Variants in MALRD1 observed in about 807,000 individuals in gnomAD.
MALRD1 encodes MAM and LDL receptor class A domain containing 1.
MALRD1 carries 247 observed loss-of-function variants against 242.1 expected under a neutral mutation model. The observed-to-expected ratio is 1.02, with a 90% CI of 0.92 to 1.13. The LOEUF is 1.13. Ranked by LOEUF, MALRD1 falls within the 50% of genes most tolerant of loss-of-function variation. The pLI, the probability that MALRD1 is intolerant of heterozygous loss-of-function variation, is 0.00. For missense variants in MALRD1, 2,989 were observed against 2,533.1 expected (o/e 1.18, Z -3.86); for synonymous variants, 995 against 866.6 (o/e 1.15, Z -2.60).
intron 36 of MALRD1, among the ~76,000 whole-genome samples, chr10:19,626,693 A>G (rs1839669311): frequency 6.6e-6 from 1 of 152,014 alleles, no homozygotes; most frequent in African/African-American, 2.4e-5. Flanking sequence ...AAAAGCACAA[A>G]TGAAGGACCC....
At position 19,049,045 on chromosome 10, in the gene MALRD1, A is replaced by T. The variant is rs2131189659; in HGVS notation, c.107A>T (p.Glu36Val). Residue 36 changes from glutamate (E) to valine (V), a missense_variant, in exon 1 of 40, where the codon GAA becomes GTA. Glu to Val is a moderately radical substitution (Grantham distance 121, BLOSUM62 -2). Transcript: ENST00000454679. ...TCTACACTGGCTCAGCAAGGGACAG[A>T]AAGCTTTCAGTGTGACAATGGAGTC... Reference protein sequence around the residue: ...FNSTLAQQGTESFQCDNGVSL... With the variant: ...FNSTLAQQGTVSFQCDNGVSL... The T allele has an allele frequency of 8.1e-7, 1 of 1,233,934 alleles. No homozygotes were observed. Among genetic ancestry groups the T allele is most frequent in the South Asian group, 4.1e-5 (1 of 24,418 alleles). 76.4% of individuals were successfully genotyped at this position (1,233,934 alleles called of 1,614,324 possible).
chr10:19,533,632 C>T (rs929019315), intron 32 of MALRD1, among the ~76,000 whole-genome samples: 12 of 152,086 alleles, frequency 7.9e-5, no homozygotes, highest in Admixed American at 6.6e-5. Context: ...GGAGCTGTCA[C>T]AGGGTGAAAG....
At chr10:19,543,665 C>T (rs1403319153) in intron 32 of MALRD1, among the ~76,000 whole-genome samples, 1 of 152,050 alleles carries the variant, frequency 6.6e-6, no homozygotes, top group Non-Finnish European at 1.5e-5. Flanking sequence ...CCACACCAGA[C>T]ACTGTAACCC....
intron 28 of MALRD1, among the ~76,000 whole-genome samples, chr10:19,414,345 A>G (rs528654550): frequency 8.1e-4 from 124 of 152,340 alleles, no homozygotes; most frequent in African/African-American, 2.9e-3. Flanking sequence ...TATGTGATAA[A>G]TTTTAAAAAA....
intron 12 of MALRD1, among the ~76,000 whole-genome samples, chr10:19,157,768 G>A (rs938995887): frequency 6.6e-6 from 1 of 151,204 alleles, no homozygotes; most frequent in South Asian, 2.1e-4. Context: ...AAATTATATG[G>A]TTTTTTTTTC....
At chr10:19,305,867 A>G (rs1842144078) in intron 21 of MALRD1, among the ~76,000 whole-genome samples, 1 of 131,840 alleles carries the variant, frequency 7.6e-6, no homozygotes, top group East Asian at 2.1e-4. Context: ...ACTATACTAT[A>G]TATTATATAA....
intron 21 of MALRD1, among the ~76,000 whole-genome samples, chr10:19,312,884 G>A (rs1301972443): frequency 4.0e-5 from 6 of 151,568 alleles, no homozygotes; most frequent in African/African-American, 1.4e-4. Context: ...TGAAGGGCAG[G>A]GAAACGATCA....
chr10:19,337,674 T>A (rs1263436683), intron 24 of MALRD1, among the ~76,000 whole-genome samples: 1 of 152,182 alleles, frequency 6.6e-6, no homozygotes, highest in Non-Finnish European at 1.5e-5. Flanking sequence ...AATTTACAAA[T>A]ATTTATCATC....
intron 36 of MALRD1, among the ~76,000 whole-genome samples, chr10:19,678,995 G>A (rs562154107): frequency 8.5e-5 from 13 of 152,102 alleles, no homozygotes; most frequent in South Asian, 2.1e-4. Flanking sequence ...CTTGCATCCC[G>A]GGGTTGAAGC....
intron 29 of MALRD1, among the ~76,000 whole-genome samples, chr10:19,453,202 A>G (rs1279650322): frequency 1.3e-5 from 2 of 152,200 alleles, no homozygotes; most frequent in East Asian, 3.9e-4. Flanking sequence ...GATGTTCTGC[A>G]TGTGAAATAA....
At chr10:19,586,583 T>C (rs890867175) in intron 33 of MALRD1, among the ~76,000 whole-genome samples, 1 of 152,216 alleles carries the variant, frequency 6.6e-6, no homozygotes, top group Non-Finnish European at 1.5e-5. Flanking sequence ...GTCTGCCCGT[T>C]CTCAGATCTC....
intron 21 of MALRD1, among the ~76,000 whole-genome samples, chr10:19,289,012 A>T (rs1449996108): frequency 1.3e-5 from 2 of 151,944 alleles, no homozygotes; most frequent in Non-Finnish European, 2.9e-5. Flanking sequence ...TTCTATTAAG[A>T]TGGCTCCAGT....
intron 29 of MALRD1, among the ~76,000 whole-genome samples, chr10:19,475,321 A>G (rs1008813156): frequency 2.6e-5 from 4 of 152,216 alleles, no homozygotes; most frequent in African/African-American, 9.6e-5. Context: ...AGGCTGAGGC[A>G]GGAGAATGGT....
chr10:19,193,857 C>A (rs199615603), intron 14 of MALRD1, among the ~76,000 whole-genome samples: 4 of 123,698 alleles, frequency 3.2e-5, no homozygotes. Flanking sequence ...TATATATATA[C>A]ACACACATAT....
chr10:19,177,616 A>G (rs1452217611), intron 14 of MALRD1, among the ~76,000 whole-genome samples: 1 of 152,176 alleles, frequency 6.6e-6, no homozygotes, highest in Non-Finnish European at 1.5e-5. Context: ...GAAGATGCAA[A>G]GTCCCAGGGA....
chr10:19,579,212 AG>A (rs1836980453), intron 33 of MALRD1, among the ~76,000 whole-genome samples: 1 of 152,134 alleles, frequency 6.6e-6, no homozygotes, highest in Non-Finnish European at 1.5e-5. Context: ...AAAGTAGTTG[AG>A]ATATTGCACC....
chr10:19,549,915 A>T (rs1333979987), intron 32 of MALRD1, among the ~76,000 whole-genome samples: 1 of 152,210 alleles, frequency 6.6e-6, no homozygotes, highest in Non-Finnish European at 1.5e-5. Flanking sequence ...TAGGTTAAAC[A>T]TTGGGGGAAA....
At chr10:19,364,764 T>TA (rs1845039637) in intron 26 of MALRD1, among the ~76,000 whole-genome samples, 1 of 152,130 alleles carries the variant, frequency 6.6e-6, no homozygotes, top group Non-Finnish European at 1.5e-5. Flanking sequence ...CAGCTTCACT[T>TA]GAAATGCCAA....
intron 18 of MALRD1, among the ~76,000 whole-genome samples, chr10:19,218,499 A>G (rs1837424644): frequency 6.6e-6 from 1 of 152,094 alleles, no homozygotes; most frequent in Admixed American, 6.5e-5. Flanking sequence ...GTTGATGTTA[A>G]TATTTATGTG....
Sources: allele counts gnomAD v4.1 joint callset (sites outside exome capture counted in the v4.1 genomes callset), GRCh38; gene constraint gnomAD v4.1.1; transcripts MANE v1.5; gene names NCBI Gene and HGNC (gene_info 2026-07-23, HGNC 2026-07-21).